The following NCAM1 variants were observed in gnomAD, a reference collection of about 807,000 sequenced individuals.
NCAM1 encodes neural cell adhesion molecule 1, also known as antigen recognized by monoclonal antibody 5.1H11.
Under a neutral mutation model 109.8 loss-of-function variants are expected in NCAM1, and 14 were observed. The ratio of observed to expected loss-of-function variants is 0.13; its 90% CI spans 0.08 to 0.20. The LOEUF (loss-of-function observed/expected upper bound fraction) is 0.20, where lower values mean the gene tolerates loss of function less well. Among genes scored for constraint, NCAM1 ranks in the 10% least tolerant of loss-of-function variants. The probability of loss-of-function intolerance (pLI) is 1.00; values close to 1 mark genes in which losing one functional copy is unlikely to be tolerated. For missense variants in NCAM1, 774 were observed against 1,109.9 expected, an observed-to-expected ratio of 0.70 and a Z score of 4.30; for synonymous variants, 418 against 442.9, an observed-to-expected ratio of 0.94 and a Z score of 0.70.
intron 1 of NCAM1, among the ~76,000 whole-genome samples, chr11:113,168,424 G>T (rs549999580): frequency 6.6e-6 from 1 of 152,278 alleles, no homozygotes; most frequent in South Asian, 2.1e-4. Context: ...CTCCCTGCTA[G>T]CTTGCACGGT....
chr11:113,244,062 G>C (rs1945426619), intron 14 of NCAM1, among the ~76,000 whole-genome samples: 1 of 152,020 alleles, frequency 6.6e-6, no homozygotes, highest in Non-Finnish European at 1.5e-5. Context: ...AGATTATGAG[G>C]GGTTTTTTTT....
chr11:113,248,112 A>G (rs1181033339), intron 15 of NCAM1, among the ~76,000 whole-genome samples: 1 of 151,998 alleles, frequency 6.6e-6, no homozygotes, highest in Non-Finnish European at 1.5e-5. Context: ...CTGAAGAGAG[A>G]TCTCTTCCAG....
At chr11:113,204,834 T>C (rs1255290446) in intron 3 of NCAM1, among the ~76,000 whole-genome samples, 1 of 152,200 alleles carries the variant, frequency 6.6e-6, no homozygotes, top group Non-Finnish European at 1.5e-5. Flanking sequence ...CCCTCTCCCC[T>C]GCTGGTAATG....
intron 7 of NCAM1, among the ~76,000 whole-genome samples, chr11:113,213,115 T>A (rs1417232965): frequency 2.0e-5 from 3 of 152,338 alleles, no homozygotes; most frequent in Non-Finnish European, 4.4e-5. Context: ...ATCAAAGACC[T>A]CAACATGGAG....
intron 1 of NCAM1, among the ~76,000 whole-genome samples, chr11:113,016,229 G>A (rs1267884455): frequency 6.6e-6 from 1 of 152,074 alleles, no homozygotes; most frequent in Non-Finnish European, 1.5e-5. Context: ...TGGCCACCCC[G>A]TTTCATCCTC....
At chr11:113,186,555 A>T (rs782703224) in intron 1 of NCAM1, among the ~76,000 whole-genome samples, 1 of 152,204 alleles carries the variant, frequency 6.6e-6, no homozygotes, top group Non-Finnish European at 1.5e-5. Context: ...TGACCTTTCT[A>T]CCTCTTTACC....
chr11:113,232,605 T>C, intron 11 of NCAM1, 113 bp from the exon 12 acceptor site: 1 of 921,356 alleles, frequency 1.1e-6, no homozygotes, highest in South Asian at 1.5e-5. Context: ...CTGGAGCTAA[T>C]GATTTATACT....
rs1555125058 is a variant in NCAM1, at chr11:113,270,362, G to GCAAGGA, written c.2309_2314dup (p.Lys770_Asp771dup). The GCAAGGA allele has an allele frequency of 6.2e-7, 1 of 1,614,002 alleles. No individual in the cohort carries two copies. The highest frequency in any genetic ancestry group is 1.1e-5 in the South Asian group (1 of 91,086). Reference sequence around the variant, plus strand: ...GGAAAAGCCGGGCCCGGGGCCAAGGGCAAGGACATGGAGGAGGGCAAGGCC... The same window carrying GCAAGGA: ...GGAAAAGCCGGGCCCGGGGCCAAGGGCAAGGACAAGGACATGGAGGAGGGCAAGGCC... On this transcript the variant is annotated inframe_insertion, in exon 18 of 20. Coordinates refer to ENST00000316851, the MANE Select transcript of NCAM1 (RefSeq NM_181351.5).
rs1946048327 is a variant in NCAM1 at position 113,262,883 on chromosome 11, C to A, written c.2131+2560C>A. 3.1e-6 allele frequency: 5 copies of A among 1,613,932 alleles called. No individual in the cohort carries two copies. In the East Asian group the frequency reaches 1.1e-4, roughly 36 times the overall value. On this transcript the variant is annotated intron_variant, in intron 17 of 19. Coordinates refer to ENST00000316851, the MANE Select transcript of NCAM1 (RefSeq NM_181351.5). ...GCAATTCTGCATCCTACACCTTTGT[C>A]TCATTGCTTTTCTCTGCAGTGACTC...
At chr11:113,195,495 ATTTTTTT>A (rs561856662) in intron 1 of NCAM1, among the ~76,000 whole-genome samples, 3 of 85,598 alleles carry the variant, frequency 3.5e-5, no homozygotes, top group South Asian at 4.7e-4. Context: ...CCCTTAGTAG[ATTTTTTT>A]TTTTTTTTTT....
At chr11:113,000,002 G>T (rs1951700562) in intron 1 of NCAM1, among the ~76,000 whole-genome samples, 2 of 152,184 alleles carry the variant, frequency 1.3e-5, no homozygotes, top group African/African-American at 4.8e-5. Flanking sequence ...ATTCAAATTA[G>T]TGAAGACTCA....
intron 1 of NCAM1, among the ~76,000 whole-genome samples, chr11:113,090,570 A>C (rs1232678015): frequency 6.6e-6 from 1 of 152,156 alleles, no homozygotes; most frequent in East Asian, 1.9e-4. Flanking sequence ...CCGCATCACC[A>C]CATCAGCTGA....
Position 113,220,589 on chromosome 11 carries a change from T to TCG in NCAM1, c.1060-706_1060-705insGC, listed in dbSNP as rs1409157622. Among the ~76,000 whole-genome samples, 45 of 133,018 alleles carry TCG rather than the reference T, an allele frequency of 3.4e-4. 1 individual carries two copies. Among genetic ancestry groups the TCG allele is most frequent in the African/African-American group, 1.4e-3 (44 of 31,228 alleles). The allele number at this position is 133,018 out of a possible 152,430, so 87.3% of individuals were successfully genotyped here. A position where few individuals can be genotyped will look rare whatever the true frequency, so the allele number is the denominator to read the frequency against. On this transcript the variant is annotated intron_variant, in intron 8 of 19. Transcript: ENST00000316851. Reference sequence around the variant, plus strand: ...AATCCAAAGAAGGAGACCTATTCTCTCTCTCTCTCTCTCTTTTTTTTTTTT... The same window carrying TCG: ...AATCCAAAGAAGGAGACCTATTCTCTCGCTCTCTCTCTCTCTTTTTTTTTTTT...
chr11:113,159,813 G>A (rs1757497664), intron 1 of NCAM1, among the ~76,000 whole-genome samples: 3 of 150,210 alleles, frequency 2.0e-5, no homozygotes, highest in African/African-American at 2.4e-5. Flanking sequence ...CTATTAACTC[G>A]TCATTTAACA....
At chr11:113,231,534 G>A (rs1555117193) in intron 9 of NCAM1, 111 bp from the exon 10 acceptor site, 5 of 1,139,576 alleles carry the variant, frequency 4.4e-6, no homozygotes, top group Admixed American at 2.2e-5. Context: ...AAGTGAGACG[G>A]GTCACAGACA....
chr11:113,231,926 G>A (rs1235657154), intron 10 of NCAM1, 131 bp downstream of exon 10: 1 of 1,285,732 alleles, frequency 7.8e-7, no homozygotes, highest in Non-Finnish European at 1.1e-6. Flanking sequence ...CTGACCCTGG[G>A]CTATTTCAGA....
At chr11:113,154,883 T>G (rs1591371922) in intron 1 of NCAM1, among the ~76,000 whole-genome samples, 1 of 152,074 alleles carries the variant, frequency 6.6e-6, no homozygotes, top group East Asian at 1.9e-4. Context: ...TGCTGGAGAT[T>G]GGAGATATAA....
rs1489501309 is a variant in NCAM1 at position 113,221,300 on chromosome 11, C to T, written c.1064C>T (p.Ser355Leu). The T allele has an allele frequency of 3.2e-6, 5 of 1,564,582 alleles. No individual in the cohort carries two copies. Among genetic ancestry groups the T allele is most frequent in the South Asian group, 1.2e-5 (1 of 84,964 alleles). The change falls in exon 9 of 20, where the codon TCG becomes TTG. Residue 355 changes from serine to leucine, a missense_variant. Transcript: ENST00000316851. ...TTTATATCTTGTTTTCTCCAGGCTT[C>T]GTGGACTCGACCAGAGAAGCAAGAG... ...TRNISSEEKASWTRPEKQETL... is the reference protein window; with the variant it reads ...TRNISSEEKALWTRPEKQETL...
chr11:113,235,907 C>G (rs1288741440), intron 14 of NCAM1, among the ~76,000 whole-genome samples: 3 of 152,192 alleles, frequency 2.0e-5, no homozygotes, highest in Non-Finnish European at 2.9e-5. Context: ...TACCCCTTTG[C>G]AGACAGAGAT....
Sources: gnomAD v4.1 joint callset for allele counts (sites outside exome capture counted in the v4.1 genomes callset) on GRCh38, gnomAD v4.1.1 for gene constraint, MANE v1.5 for transcripts, NCBI Gene and HGNC (gene_info 2026-07-23, HGNC 2026-07-21) for gene names.